The following PCCA variants were observed in gnomAD, a reference collection of about 807,000 sequenced individuals.
PCCA encodes the protein propionyl-CoA carboxylase subunit alpha.
A neutral mutation model predicts 101.3 loss-of-function variants in PCCA; 74 were observed. That is an observed-to-expected ratio of 0.73 (90% CI 0.61 to 0.89). The LOEUF (loss-of-function observed/expected upper bound fraction) is 0.89. Among genes scored for constraint, PCCA ranks in the 40% least tolerant of loss-of-function variants. PCCA has a pLI of 0.00. For missense variants in PCCA, 891 were observed against 907.0 expected (o/e 0.98, Z 0.23); for synonymous variants, 294 against 313.6 (o/e 0.94, Z 0.66).
intron 2 of PCCA, among the ~76,000 whole-genome samples, chr13:100,105,154 A>C (rs189575415): frequency 6.6e-6 from 1 of 152,344 alleles, no homozygotes; most frequent in Admixed American, 6.5e-5. Context: ...TAAGTCTTCT[A>C]AATCCAGTGT....
chr13:100,476,808 A>G (rs1280912431), intron 21 of PCCA, among the ~76,000 whole-genome samples: 1 of 152,142 alleles, frequency 6.6e-6, no homozygotes, highest in Non-Finnish European at 1.5e-5. Context: ...AGTTCCTCAT[A>G]GCAAAACTGG....
intron 16 of PCCA, among the ~76,000 whole-genome samples, chr13:100,316,202 T>G (rs1390118802): frequency 6.6e-6 from 1 of 152,208 alleles, no homozygotes; most frequent in Non-Finnish European, 1.5e-5. Flanking sequence ...GAAAAAGAGA[T>G]AACGATTTAG....
At chr13:100,130,629 GTATT>G (rs766626544) in intron 4 of PCCA, among the ~76,000 whole-genome samples, 1 of 152,194 alleles carries the variant, frequency 6.6e-6, no homozygotes. Context: ...AAACAACTGA[GTATT>G]TAGTTGATTG....
At chr13:100,303,131 G>A (rs2066192705) in intron 14 of PCCA, 133 bp downstream of exon 14, 2 of 735,214 alleles carry the variant, frequency 2.7e-6, no homozygotes, top group African/African-American at 1.7e-5. Context: ...CATGGTTTTT[G>A]TGTTGAAAAC....
chr13:100,527,694 T>A lies in PCCA; in HGVS notation c.2060T>A (p.Ile687Asn). 6.2e-7 allele frequency: 1 copy of A among 1,613,926 alleles called. No individual in the cohort carries two copies. Among genetic ancestry groups the A allele is most frequent in the Non-Finnish European group, 8.5e-7 (1 of 1,179,848 alleles). Residue 687 changes from isoleucine to asparagine, a missense_variant, in exon 23 of 24, where the codon ATT becomes AAT. Coordinates refer to ENST00000376285, the MANE Select transcript of PCCA (RefSeq NM_000282.4). ...TTCCAGGTAGCAGAAGGTCAAGAAA[T>A]TTGTGTGATTGAAGCCATGAAAATG... is the stretch of plus-strand genomic sequence containing the variant. ...PGDAVAEGQE[I>N]CVIEAMKMQN...
intron 17 of PCCA, among the ~76,000 whole-genome samples, chr13:100,339,643 T>G (rs2071011603): frequency 6.6e-6 from 1 of 152,144 alleles, no homozygotes; most frequent in Admixed American, 6.5e-5. Flanking sequence ...GTTGGTTGAT[T>G]GGGATTCATG....
intron 21 of PCCA, chr13:100,490,886 G>A (rs923245140): frequency 3.3e-5 from 5 of 152,340 alleles, no homozygotes; most frequent in African/African-American, 1.2e-4. Context: ...TCAAATGACC[G>A]AGGCCAGGTG....
intron 12 of PCCA, among the ~76,000 whole-genome samples, chr13:100,290,310 C>T (rs572802491): frequency 7.9e-5 from 12 of 152,204 alleles, no homozygotes; most frequent in African/African-American, 2.9e-4. Flanking sequence ...CTCCTGTGCT[C>T]AAGCAGTCCT....
intron 4 of PCCA, among the ~76,000 whole-genome samples, chr13:100,130,129 T>C (rs903892175): frequency 8.5e-5 from 13 of 152,234 alleles, no homozygotes; most frequent in Non-Finnish European, 1.5e-5. Flanking sequence ...TTTTGCTCAA[T>C]TTCAAGCATC....
chr13:100,505,011 G>A (rs538228588), intron 21 of PCCA, among the ~76,000 whole-genome samples: 9 of 152,292 alleles, frequency 5.9e-5, no homozygotes, highest in African/African-American at 2.2e-4. Flanking sequence ...AGGAATCTGA[G>A]ACATGGAAAG....
intron 21 of PCCA, among the ~76,000 whole-genome samples, chr13:100,464,001 G>T (rs774368302): frequency 6.6e-6 from 1 of 152,170 alleles, no homozygotes; most frequent in Non-Finnish European, 1.5e-5. Flanking sequence ...TGCCTTACGC[G>T]TGTATGGTGC....
chr13:100,331,613 T>C lies in PCCA; in HGVS notation c.1540+942T>C, dbSNP rs192693340. On this transcript the variant is annotated intron_variant, in intron 17 of 23. Transcript: ENST00000376285. ...ATATTGTTTTAAAACTTTAGTGTTATAGAGTTTTATCATTAGTATTAAGGC... is the reference window on the plus strand; with the variant it reads ...ATATTGTTTTAAAACTTTAGTGTTACAGAGTTTTATCATTAGTATTAAGGC... 1.1e-3 allele frequency among the ~76,000 whole-genome samples: 162 copies of C among 152,338 alleles called. 1 individual carries two copies. The highest frequency in any genetic ancestry group is 1.0e-3 in the Non-Finnish European group (69 of 68,042).
intron 16 of PCCA, among the ~76,000 whole-genome samples, chr13:100,315,999 C>T (rs1043375716): frequency 6.6e-6 from 1 of 152,156 alleles, no homozygotes; most frequent in Non-Finnish European, 1.5e-5. Context: ...CTGTATGATA[C>T]TGTTTAGTGC....
chr13:100,517,596 G>A (rs933418853), intron 22 of PCCA, among the ~76,000 whole-genome samples: 3 of 152,164 alleles, frequency 2.0e-5, no homozygotes, highest in African/African-American at 7.2e-5. Flanking sequence ...CAGAGTACCT[G>A]GGGGGCACGC....
intron 20 of PCCA, among the ~76,000 whole-genome samples, chr13:100,429,271 G>A (rs1436735697): frequency 1.3e-5 from 2 of 151,896 alleles, no homozygotes; most frequent in South Asian, 4.2e-4. Flanking sequence ...ATTGCTCCAA[G>A]AGTTCCAGCT....
chr13:100,401,937 T>C (rs1434775312), intron 19 of PCCA, among the ~76,000 whole-genome samples: 1 of 152,230 alleles, frequency 6.6e-6, no homozygotes, highest in Non-Finnish European at 1.5e-5. Context: ...AGTAGCATTT[T>C]AAATTTGTTT....
chr13:100,397,482 A>G (rs2077104997), intron 19 of PCCA, among the ~76,000 whole-genome samples: 1 of 151,494 alleles, frequency 6.6e-6, no homozygotes, highest in South Asian at 2.1e-4. Flanking sequence ...TACGATGTTT[A>G]TAGTTGGGGA....
intron 21 of PCCA, among the ~76,000 whole-genome samples, chr13:100,453,829 A>G (rs897296285): frequency 6.5e-5 from 6 of 92,976 alleles, no homozygotes; most frequent in Admixed American, 1.3e-4. Context: ...GTCACCGGAA[A>G]AAAGGGAAAA....
At position 100,157,287 on chromosome 13, in the gene PCCA, G is replaced by T. The variant is rs770129876; in HGVS notation, c.415G>T (p.Val139Leu). The stretch of plus-strand genomic sequence containing the variant: ...AGTGCTTTTTGCTTTCATTTCTAAG[G>T]TACATCCAGGTTATGGATTCCTTTC... ...EAIKKTRAQA[V>L]HPGYGFLSEN... The change falls in exon 6 of 24, where the codon GTA (valine) becomes TTA (leucine). Residue 139 changes from valine to leucine, a missense_variant and splice_region_variant. Transcript: ENST00000376285. 6.2e-6 allele frequency: 10 copies of T among 1,607,816 alleles called. No individual in the cohort carries two copies. The Admixed American group carries it at 6.7e-5, about 11-fold the overall frequency.
Sources: allele counts gnomAD v4.1 joint callset (sites outside exome capture counted in the v4.1 genomes callset), GRCh38; gene constraint gnomAD v4.1.1; transcripts MANE v1.5; gene names NCBI Gene and HGNC (gene_info 2026-07-23, HGNC 2026-07-21).